The following KLHDC2 variants were observed in gnomAD, a reference collection of about 807,000 sequenced individuals.
KLHDC2 encodes the protein kelch domain-containing protein 2.
A neutral mutation model predicts 62.3 loss-of-function variants in KLHDC2; 38 were observed. That is an observed-to-expected ratio of 0.61 (90% CI 0.47 to 0.80). The LOEUF is 0.80. Among genes scored for constraint, KLHDC2 ranks in the 30% least tolerant of loss-of-function variants. The probability of loss-of-function intolerance (pLI) is 0.00; values close to 1 mark genes in which losing one functional copy is unlikely to be tolerated. For missense variants in KLHDC2, 430 were observed against 495.3 expected (o/e 0.87, Z 1.25); for synonymous variants, 159 against 161.0 (o/e 0.99, Z 0.09).
At chr14:49,782,648 C>CT (rs1413227530) in intron 12 of KLHDC2, 54 bp downstream of exon 12, 35 of 1,459,714 alleles carry the variant, frequency 2.4e-5, no homozygotes, top group Non-Finnish European at 3.1e-5. Context: ...TTTCCTAAGA[C>CT]TTAGCACTCT....
In KLHDC2 at chr14:49,778,484, C is replaced by T; in HGVS notation, c.623C>T (p.Pro208Leu). The T allele has an allele frequency of 1.5e-6, 2 of 1,326,698 alleles. No homozygotes were observed. The highest frequency in any genetic ancestry group is 1.7e-5 in the African/African-American group (1 of 60,592). The allele number at this position is 1,326,698 out of a possible 1,614,324, so 82.2% of individuals were successfully genotyped here. A position where few individuals can be genotyped will look rare whatever the true frequency, so the allele number is the denominator to read the frequency against. Residue 208 changes from proline to leucine, a missense_variant, in exon 6 of 13, where the codon CCT becomes CTT. Coordinates refer to ENST00000298307, the MANE Select transcript of KLHDC2 (RefSeq NM_014315.3). ...ACTGAAACATTTACCTGGAGCCAGCCTATAACTACTGTGAGTTACTAAAGA... is the reference window on the plus strand; with the variant it reads ...ACTGAAACATTTACCTGGAGCCAGCTTATAACTACTGTGAGTTACTAAAGA... ...LDTETFTWSQPITTGKAPSPR... is the reference protein window; with the variant it reads ...LDTETFTWSQLITTGKAPSPR...
At chr14:49,776,071 G>A (rs1168861624) in intron 3 of KLHDC2, among the ~76,000 whole-genome samples, 1 of 152,160 alleles carries the variant, frequency 6.6e-6, no homozygotes, top group African/African-American at 2.4e-5. Flanking sequence ...GCTCCAAGCT[G>A]CCCCTTCCTC....
intron 1 of KLHDC2, among the ~76,000 whole-genome samples, chr14:49,770,031 C>T (rs1420209212): frequency 6.6e-6 from 1 of 152,130 alleles, no homozygotes; most frequent in African/African-American, 2.4e-5. Context: ...AATTAATTCC[C>T]CTGGAGAAAC....
Position 49,774,761 on chromosome 14 carries a change from C to G in KLHDC2, c.351+83C>G. The G allele has an allele frequency of 4.7e-6, 4 of 844,134 alleles. No individual in the cohort carries two copies. The South Asian group carries it at 5.5e-5, about 12-fold the overall frequency. The allele number at this position is 844,134 out of a possible 1,614,324, so 52.3% of individuals were successfully genotyped here. On this transcript the variant is annotated intron_variant, in intron 3 of 12. Coordinates refer to ENST00000298307, the MANE Select transcript of KLHDC2 (RefSeq NM_014315.3). ...AACTGCAAATTTCTAAGGTTAGCCC[C>G]AGACTTATTTGTGTCACAGTTAAAA... is the stretch of plus-strand genomic sequence containing the variant.
intron 10 of KLHDC2, among the ~76,000 whole-genome samples, chr14:49,781,327 C>T (rs1889896185): frequency 7.2e-6 from 1 of 138,702 alleles, no homozygotes; most frequent in Non-Finnish European, 1.5e-5. Flanking sequence ...TGAGATCGTG[C>T]CTTTGCACTC....
intron 8 of KLHDC2, 108 bp from the exon 9 acceptor site, chr14:49,780,105 C>G (rs1221895064): frequency 1.4e-6 from 1 of 735,468 alleles, no homozygotes; most frequent in African/African-American, 1.8e-5. Context: ...CCTTTTTAAA[C>G]TTAAGGTCTC....
chr14:49,782,637 G>T (rs574385467), intron 12 of KLHDC2, 43 bp downstream of exon 12: 3 of 1,522,350 alleles, frequency 2.0e-6, no homozygotes, highest in South Asian at 2.4e-5. Context: ...TTAAAATTGT[G>T]TTTCCTAAGA....
chr14:49,775,709 C>T (rs1889758797), intron 3 of KLHDC2, among the ~76,000 whole-genome samples: 1 of 149,386 alleles, frequency 6.7e-6, no homozygotes, highest in African/African-American at 2.5e-5. Flanking sequence ...TTACTGCAAT[C>T]TCCGCCTCCC....
In KLHDC2 at chr14:49,780,707, T is replaced by C. The variant is rs1188840398; in HGVS notation, c.888T>C (p.Asp296=). Residue 296 remains aspartate, a synonymous_variant, in exon 10 of 13, where the codon GAT becomes GAC. Transcript: ENST00000298307. ...GFTTDKQPLS[D]AWTYCISKNE... is the part of the protein sequence containing the mutation. ...TCATTTCTTTGCTTGAATCAGGTGA[T>C]GCCTGGACTTACTGCATCAGTAAAA... 5 of 1,602,104 alleles carry C rather than the reference T, an allele frequency of 3.1e-6. No homozygotes were observed. The highest frequency in any genetic ancestry group is 4.3e-6 in the Non-Finnish European group (5 of 1,169,096).
At chr14:49,773,392 C>G (rs1263421712) in intron 2 of KLHDC2, among the ~76,000 whole-genome samples, 1 of 104,594 alleles carries the variant, frequency 9.6e-6, no homozygotes, top group Non-Finnish European at 1.8e-5. Context: ...CCAGCCTGGG[C>G]GAAAGAGTCA....
Position 49,785,667 on chromosome 14 carries a change from C to T in KLHDC2, c.*2714C>T, listed in dbSNP as rs145009232. ...AAGGCTCAGGCTGAGGCGGGTGGAT[C>T]GCTTGAGCCCAGGAGTTCAAGACCA... On this transcript the variant is annotated 3_prime_UTR_variant, in exon 13 of 13. Transcript: ENST00000298307. The T allele has an allele frequency of 4.0e-5, 9 of 223,066 alleles. No individual in the cohort carries two copies. The East Asian group carries it at 5.4e-4, about 13-fold the overall frequency. The allele number at this position is 223,066 out of a possible 1,614,324, so 13.8% of individuals were successfully genotyped here.
In KLHDC2 at chr14:49,786,269, C is replaced by T. The variant is rs1421467997; in HGVS notation, c.*3316C>T. 1 of 162,918 alleles carries T rather than the reference C, an allele frequency of 6.1e-6. No individual in the cohort carries two copies. The highest frequency in any genetic ancestry group is 2.4e-5 in the African/African-American group (1 of 41,550). 10.1% of individuals were successfully genotyped at this position (162,918 alleles called of 1,614,324 possible). On this transcript the variant is annotated 3_prime_UTR_variant, in exon 13 of 13. Transcript: ENST00000298307. The stretch of plus-strand genomic sequence containing the variant: ...AAAGTTGAGAAACCCTGGGCTAGAA[C>T]AGCCTTCTCTCTTACCCATTATTAA...
intron 2 of KLHDC2, 129 bp from the exon 3 acceptor site, chr14:49,774,432 A>G: frequency 1.5e-6 from 1 of 685,796 alleles, no homozygotes; most frequent in Non-Finnish European, 2.6e-6. Flanking sequence ...GAGAGATCCT[A>G]GCGGCACTGT....
Position 49,782,391 on chromosome 14 carries a change from C to T in KLHDC2, c.978C>T (p.Ala326=). 6 of 1,612,480 alleles carry T rather than the reference C, an allele frequency of 3.7e-6. No individual in the cohort carries two copies. Among genetic ancestry groups the T allele is most frequent in the Non-Finnish European group, 5.1e-6 (6 of 1,178,792 alleles). ...GCAGGTTATGGCACACAGCTTGTGCCAGCGATGAAGGAGAAGTAATTGTTT... is the reference window on the plus strand; with the variant it reads ...GCAGGTTATGGCACACAGCTTGTGCTAGCGATGAAGGAGAAGTAATTGTTT... The part of the protein sequence containing the change: ...EKPRLWHTAC[A]SDEGEVIVFG... The change falls in exon 11 of 13, where the codon GCC becomes GCT. Residue 326 remains alanine (A), a synonymous_variant. Coordinates refer to ENST00000298307, the MANE Select transcript of KLHDC2 (RefSeq NM_014315.3).
rs535535135 is a variant in KLHDC2 at position 49,783,669 on chromosome 14, A to T, written c.*716A>T. The T allele has an allele frequency of 1.3e-5, 2 of 151,910 alleles. No homozygotes were observed. The highest frequency in any genetic ancestry group is 2.9e-5 in the Non-Finnish European group (2 of 67,884). 9.4% of individuals were successfully genotyped at this position (151,910 alleles called of 1,614,324 possible). On this transcript the variant is annotated 3_prime_UTR_variant, in exon 13 of 13. Transcript: ENST00000298307. ...AAGCCTAAAATGCGCTTCTGGTATT[A>T]TAGGTTAAGATACTCTAACGTGCTA...
chr14:49,784,541 T>G lies in KLHDC2; in HGVS notation c.*1588T>G. ...CAAGGCAATGTTTAGTTCATTTTTA[T>G]AATGCGGAAATCCTGATACATGGTG... On this transcript the variant is annotated 3_prime_UTR_variant, in exon 13 of 13. Coordinates refer to ENST00000298307, the MANE Select transcript of KLHDC2 (RefSeq NM_014315.3). 4 of 830,400 alleles carry G rather than the reference T, an allele frequency of 4.8e-6. No individual in the cohort carries two copies. The highest frequency in any genetic ancestry group is 7.8e-6 in the Non-Finnish European group (4 of 513,940). The allele number at this position is 830,400 out of a possible 1,614,324, so 51.4% of individuals were successfully genotyped here. A position where few individuals can be genotyped will look rare whatever the true frequency, so the allele number is the denominator to read the frequency against.
intron 10 of KLHDC2, 126 bp from the exon 11 acceptor site, chr14:49,782,244 C>T (rs1019189718): frequency 1.6e-5 from 9 of 566,286 alleles, no homozygotes; most frequent in South Asian, 2.7e-5. Flanking sequence ...TTTTACTTCT[C>T]GCCATGATGT....
intron 12 of KLHDC2, 73 bp from the exon 13 acceptor site, chr14:49,782,757 T>C (rs1298421865): frequency 1.9e-5 from 29 of 1,522,876 alleles, no homozygotes; most frequent in Admixed American, 3.8e-5. Context: ...GGATGTTTTA[T>C]GTAGTTTTTC....
At position 49,780,197 on chromosome 14, in the gene KLHDC2, T is replaced by G; in HGVS notation, c.774-16T>G. ...GCTTCTAAATGCAGATATTGTAACT[T>G]AGCTATTATTTTCAGAATTCCACAA... On this transcript the variant is annotated splice_polypyrimidine_tract_variant and intron_variant, in intron 8 of 12. Transcript: ENST00000298307. 2.1e-6 allele frequency: 3 copies of G among 1,462,874 alleles called. No homozygotes were observed. Among genetic ancestry groups the G allele is most frequent in the Non-Finnish European group, 2.9e-6 (3 of 1,043,152 alleles). 90.6% of individuals were successfully genotyped at this position (1,462,874 alleles called of 1,614,324 possible). A position where few individuals can be genotyped will look rare whatever the true frequency, so the allele number is the denominator to read the frequency against.
Sources: gnomAD v4.1 joint callset for allele counts (sites outside exome capture counted in the v4.1 genomes callset) on GRCh38, gnomAD v4.1.1 for gene constraint, MANE v1.5 for transcripts, NCBI Gene and HGNC (gene_info 2026-07-23, HGNC 2026-07-21) for gene names.